Variants in LRRC4B observed in about 807,000 individuals in gnomAD.
LRRC4B encodes leucine rich repeat containing 4B, also known as leucine-rich repeat-containing protein 4B.
In LRRC4B, 1 loss-of-function variant was observed where a neutral mutation model predicts 7.3. That is an observed-to-expected ratio of 0.14 (90% CI 0.05 to 0.65). The LOEUF is 0.65. Among genes scored for constraint, LRRC4B ranks in the 30% least tolerant of loss-of-function variants. LRRC4B has a pLI of 0.84. For synonymous variants in LRRC4B, 500 were observed against 499.2 expected (o/e 1.00, Z -0.02); for missense variants, 730 against 1,041.6 (o/e 0.70, Z 4.12).
chr19:50,538,868 T>G (rs903119803), intron 2 of LRRC4B, among the ~76,000 whole-genome samples: 2 of 142,940 alleles, frequency 1.4e-5, no homozygotes, highest in African/African-American at 2.6e-5. Context: ...CGTGCTGGGA[T>G]TACAGGTGCG....
chr19:50,530,933 G>GC (rs1039920957), intron 2 of LRRC4B, among the ~76,000 whole-genome samples: 4 of 150,742 alleles, frequency 2.7e-5, no homozygotes, highest in African/African-American at 4.9e-5. Flanking sequence ...AAACCTGGGG[G>GC]GGGGGGGTCT....
Position 50,548,851 on chromosome 19 carries a change from T to C in LRRC4B, c.-13A>G. The C allele has an allele frequency of 8.3e-7, 1 of 1,209,938 alleles. No individual in the cohort carries two copies. Among genetic ancestry groups the C allele is most frequent in the Non-Finnish European group, 1.1e-6 (1 of 945,178 alleles). The allele number at this position is 1,209,938 out of a possible 1,614,324, so 75.0% of individuals were successfully genotyped here. On this transcript the variant is annotated 5_prime_UTR_variant, in exon 2 of 3. It removes an upstream start codon present in the reference 5' UTR. Transcript: ENST00000652263. The surrounding 1 kb of genome is among the most constrained non-coding windows in gnomAD (Gnocchi z 6.8). ...GGGCACGCGCCATCCTCAATGTTCATGCTCCGCGTGGACGCTGGGGGGCTG... is the reference window on the plus strand; with the variant it reads ...GGGCACGCGCCATCCTCAATGTTCACGCTCCGCGTGGACGCTGGGGGGCTG...
At chr19:50,551,231 G>A (rs1568732925) in intron 1 of LRRC4B, among the ~76,000 whole-genome samples, 3 of 150,638 alleles carry the variant, frequency 2.0e-5, no homozygotes. Context: ...CTGCGCCCAG[G>A]CCCCCCCCTC....
Position 50,548,798 on chromosome 19 carries a change from G to A in LRRC4B, c.41C>T (p.Pro14Leu), listed in dbSNP as rs1174188100. Residue 14 changes from proline to leucine, a missense_variant, in exon 2 of 3, where the codon CCC becomes CTC. Around this residue, in one of 6 missense-constraint regions of LRRC4B, gnomAD observed 143 missense variants for 158.4 expected, o/e 0.90. Coordinates refer to ENST00000652263, the MANE Select transcript of LRRC4B (RefSeq NM_001080457.2). This position sits in a 1 kb window ranked among gnomAD's most constrained non-coding sequence, Gnocchi z 6.8. ...CCCGTGGGGCCAGGACATCCTACCG[G>A]GCGGCAGCGGGGGGCACGGGGAGCC... ...ARGSPCPPLP[P>L]GRMSWPHGAL... 6.6e-7 allele frequency: 1 copy of A among 1,515,592 alleles called. No individual in the cohort carries two copies. The highest frequency in any genetic ancestry group is 8.8e-7 in the Non-Finnish European group (1 of 1,136,364). The allele number at this position is 1,515,592 out of a possible 1,614,324, so 93.9% of individuals were successfully genotyped here. A position where few individuals can be genotyped will look rare whatever the true frequency, so the allele number is the denominator to read the frequency against.
At chr19:50,566,007 A>C in intron 1 of LRRC4B, among the ~76,000 whole-genome samples, 1 of 149,444 alleles carries the variant, frequency 6.7e-6, no homozygotes, top group Non-Finnish European at 1.5e-5. Context: ...CGGCGGCTTC[A>C]CTCTCTGTCC....
intron 2 of LRRC4B, among the ~76,000 whole-genome samples, chr19:50,520,203 CAAAAAAAAAAAAAAAAAAAAAAAAA>C (rs1173919963): frequency 8.5e-4 from 8 of 9,380 alleles, no homozygotes; most frequent in East Asian, 8.5e-3. Context: ...AATACCCTGT[CAAAAAAAAAAAAAAAAAAAAAAAAA>C]AAAAAAAAAA....
chr19:50,533,675 G>A (rs1211599690), intron 2 of LRRC4B, among the ~76,000 whole-genome samples: 2 of 152,156 alleles, frequency 1.3e-5, no homozygotes, highest in Non-Finnish European at 2.9e-5. Context: ...TAAGGTAAAA[G>A]GGGGGGAATC....
rs562619799 is a variant in LRRC4B at position 50,556,762 on chromosome 19, C to G, written c.-35-7889G>C. ...GGAACGAGCGAGCCAGCGCCCCCTACCGGCAGTTCCTCTGCTGGCACCCGA... is the reference window on the plus strand; with the variant it reads ...GGAACGAGCGAGCCAGCGCCCCCTAGCGGCAGTTCCTCTGCTGGCACCCGA... On this transcript the variant is annotated intron_variant, in intron 1 of 2. Transcript: ENST00000652263. This position sits in a 1 kb window ranked among gnomAD's most constrained non-coding sequence, Gnocchi z 4.2. Among the ~76,000 whole-genome samples, 2 of 152,296 alleles carry G rather than the reference C, an allele frequency of 1.3e-5. No individual in the cohort carries two copies. The highest frequency in any genetic ancestry group is 3.9e-4 in the East Asian group (2 of 5,180).
chr19:50,548,992 A>C lies in LRRC4B; in HGVS notation c.-35-119T>G. On this transcript the variant is annotated intron_variant, in intron 1 of 2. Coordinates refer to ENST00000652263, the MANE Select transcript of LRRC4B (RefSeq NM_001080457.2). The surrounding 1 kb of genome is among the most constrained non-coding windows in gnomAD (Gnocchi z 6.8). ...GCCTCCCTGCCCCATGCCCAGAACA[A>C]AGGGACAGGGAGGGAGACAGCTGCC... 1.7e-6 allele frequency: 1 copy of C among 602,272 alleles called. No homozygotes were observed. 37.3% of individuals were successfully genotyped at this position (602,272 alleles called of 1,614,324 possible).
chr19:50,533,174 A>G (rs893117331), intron 2 of LRRC4B, among the ~76,000 whole-genome samples: 40 of 152,162 alleles, frequency 2.6e-4, no homozygotes, highest in Admixed American at 2.6e-3. Flanking sequence ...TACTATAATT[A>G]CTAATATATT....
rs1981355382 is a variant in LRRC4B at position 50,537,842 on chromosome 19, A to T, written c.297+10700T>A. Among the ~76,000 whole-genome samples the T allele has an allele frequency of 1.3e-5, 2 of 151,928 alleles. No homozygotes were observed. On this transcript the variant is annotated intron_variant, in intron 2 of 2. Transcript: ENST00000652263. This position sits in a 1 kb window ranked among gnomAD's most constrained non-coding sequence, Gnocchi z 5.5. ...CGCTGCTGAGGGAATGAAGAGGATAACTCAGCTGGAATGAGAGCCAGGGAG... is the reference window on the plus strand; with the variant it reads ...CGCTGCTGAGGGAATGAAGAGGATATCTCAGCTGGAATGAGAGCCAGGGAG...
In LRRC4B at chr19:50,519,555, T is replaced by C. The variant is rs1452387787; in HGVS notation, c.298-140A>G. 2 of 1,418,222 alleles carry C rather than the reference T, an allele frequency of 1.4e-6. No homozygotes were observed. Among genetic ancestry groups the C allele is most frequent in the Admixed American group, 2.9e-5 (1 of 34,634 alleles). The allele number at this position is 1,418,222 out of a possible 1,614,324, so 87.9% of individuals were successfully genotyped here. A position where few individuals can be genotyped will look rare whatever the true frequency, so the allele number is the denominator to read the frequency against. ...TGACGGTACGACCTATATTGCAACA[T>C]GGTTTGATGAGTTTCTTATAAAGTT... On this transcript the variant is annotated intron_variant, in intron 2 of 2. Coordinates refer to ENST00000652263, the MANE Select transcript of LRRC4B (RefSeq NM_001080457.2). This position sits in a 1 kb window ranked among gnomAD's most constrained non-coding sequence, Gnocchi z 8.1.
At chr19:50,562,739 T>TG in intron 1 of LRRC4B, among the ~76,000 whole-genome samples, 1 of 128,842 alleles carries the variant, frequency 7.8e-6, no homozygotes. Flanking sequence ...GGTTTTTTTT[T>TG]TTGTTTTTTT....
chr19:50,541,671 C>T (rs1385745648), intron 2 of LRRC4B, among the ~76,000 whole-genome samples: 1 of 152,182 alleles, frequency 6.6e-6, no homozygotes, highest in Non-Finnish European at 1.5e-5. Flanking sequence ...ACCTCATAGC[C>T]GGCCCCAGGA....
intron 2 of LRRC4B, among the ~76,000 whole-genome samples, chr19:50,545,917 A>T (rs1314780421): frequency 6.6e-6 from 1 of 151,374 alleles, no homozygotes; most frequent in Admixed American, 6.6e-5. Context: ...GGAGATGGGG[A>T]TTTGCTGTGT....
rs2122919304 is a variant in LRRC4B, at chr19:50,556,193, G to C, written c.-35-7320C>G. Among the ~76,000 whole-genome samples, 1 of 152,062 alleles carries C rather than the reference G, an allele frequency of 6.6e-6. No homozygotes were observed. The highest frequency in any genetic ancestry group is 2.1e-4 in the South Asian group (1 of 4,816). ...GGACTAGGGGCTTGGCTCAGCTCAC[G>C]AATTTCCCGGGCCACTGGCCACTGG... On this transcript the variant is annotated intron_variant, in intron 1 of 2. Transcript: ENST00000652263. The surrounding 1 kb of genome is among the most constrained non-coding windows in gnomAD (Gnocchi z 4.2).
At chr19:50,558,951 GT>G (rs1222059908) in intron 1 of LRRC4B, among the ~76,000 whole-genome samples, 1 of 152,224 alleles carries the variant, frequency 6.6e-6, no homozygotes, top group East Asian at 1.9e-4. Context: ...TTGGTTGCCT[GT>G]GCCAGGCCTG....
rs781134347 is a variant in LRRC4B, at chr19:50,556,936, G to A, written c.-35-8063C>T. Among the ~76,000 whole-genome samples, 89 of 151,766 alleles carry A rather than the reference G, an allele frequency of 5.9e-4. No individual in the cohort carries two copies. The highest frequency in any genetic ancestry group is 1.0e-3 in the Non-Finnish European group (71 of 67,824). ...ATGTCGAGCTGTTACAGAGGCCGTG[G>A]CAATGGGCCGGGGGCGGGGGGGCCC... On this transcript the variant is annotated intron_variant, in intron 1 of 2. Transcript: ENST00000652263. The surrounding 1 kb of genome is among the most constrained non-coding windows in gnomAD (Gnocchi z 4.2).
At chr19:50,530,447 G>A (rs1981005943) in intron 2 of LRRC4B, among the ~76,000 whole-genome samples, 1 of 152,164 alleles carries the variant, frequency 6.6e-6, no homozygotes, top group Non-Finnish European at 1.5e-5. Flanking sequence ...CCTCTGCTCA[G>A]GACGCCCTTC....
Sources: allele counts gnomAD v4.1 joint callset (sites outside exome capture counted in the v4.1 genomes callset), GRCh38; gene constraint gnomAD v4.1.1; regional missense constraint gnomAD v4.1.1; non-coding constraint Gnocchi (gnomAD v3.1); transcripts MANE v1.5; gene names NCBI Gene and HGNC (gene_info 2026-07-23, HGNC 2026-07-21).